The following WWC2 variants were observed in gnomAD, a reference collection of about 807,000 sequenced individuals.
WWC2 encodes WW and C2 domain containing 2, also known as protein WWC2.
Under a neutral mutation model 138.5 loss-of-function variants are expected in WWC2, and 101 were observed. The observed-to-expected ratio is 0.73, with a 90% CI of 0.62 to 0.86. The LOEUF (loss-of-function observed/expected upper bound fraction) is 0.86. WWC2 is among the 40% of genes least tolerant of loss of function. The pLI, the probability that WWC2 is intolerant of heterozygous loss-of-function variation, is 0.00. For synonymous variants in WWC2, 558 were observed against 538.4 expected (o/e 1.04, Z -0.50); for missense variants, 1,420 against 1,419.4 (o/e 1.00, Z -0.01).
At chr4:183,148,691 A>G (rs571625064) in intron 1 of WWC2, among the ~76,000 whole-genome samples, 13 of 152,256 alleles carry the variant, frequency 8.5e-5, no homozygotes, top group Admixed American at 2.6e-4. Context: ...CTGTGTTCCT[A>G]TGCAACTTCT....
intron 10 of WWC2, 31 bp from the exon 11 acceptor site, chr4:183,260,879 G>C (rs113464479): frequency 4.4e-6 from 7 of 1,607,962 alleles, no homozygotes; most frequent in African/African-American, 1.3e-5. Flanking sequence ...TTTTGTAACA[G>C]ATTTTATGGT....
intron 1 of WWC2, among the ~76,000 whole-genome samples, chr4:183,107,165 TTTC>T (rs1340431126): frequency 1.3e-5 from 2 of 152,138 alleles, no homozygotes; most frequent in Non-Finnish European, 2.9e-5. Context: ...TTTTCTTTTC[TTTC>T]TTCTTTTGAG....
At chr4:183,174,178 C>T (rs1734383512) in intron 1 of WWC2, among the ~76,000 whole-genome samples, 1 of 152,300 alleles carries the variant, frequency 6.6e-6, no homozygotes, top group African/African-American at 2.4e-5. Context: ...CTCCTTTCAG[C>T]AGTCCGAGCC....
intron 16 of WWC2, among the ~76,000 whole-genome samples, chr4:183,279,719 C>T (rs1021184709): frequency 5.9e-5 from 9 of 152,036 alleles, no homozygotes; most frequent in African/African-American, 2.2e-4. Context: ...GTGTATGTGT[C>T]GAGGAATTTA....
intron 4 of WWC2, among the ~76,000 whole-genome samples, chr4:183,227,644 G>A (rs574461352): frequency 3.3e-5 from 5 of 152,046 alleles, no homozygotes; most frequent in South Asian, 4.1e-4. Context: ...AATTAATCAC[G>A]TAATGAATTA....
At chr4:183,254,078 G>T in intron 9 of WWC2, 79 bp downstream of exon 9, 1 of 1,533,720 alleles carries the variant, frequency 6.5e-7, no homozygotes. Flanking sequence ...CCTGGGTTTG[G>T]AAATCTCAAT....
At chr4:183,201,610 G>A (rs993066271) in intron 2 of WWC2, among the ~76,000 whole-genome samples, 1 of 152,214 alleles carries the variant, frequency 6.6e-6, no homozygotes, top group Non-Finnish European at 1.5e-5. Context: ...CAAGTCAGAT[G>A]CCCTCTGACT....
intron 10 of WWC2, among the ~76,000 whole-genome samples, chr4:183,260,054 T>TA (rs1737275541): frequency 6.6e-6 from 1 of 152,200 alleles, no homozygotes. Context: ...TAGATTTCCT[T>TA]ACATTGATGA....
At chr4:183,291,348 G>A (rs538811550) in intron 21 of WWC2, among the ~76,000 whole-genome samples, 2 of 152,350 alleles carry the variant, frequency 1.3e-5, no homozygotes, top group African/African-American at 4.8e-5. Context: ...GCCTGCAGGA[G>A]AGTAGGGCCA....
intron 2 of WWC2, among the ~76,000 whole-genome samples, chr4:183,194,477 T>G (rs1359359226): frequency 6.6e-6 from 1 of 152,232 alleles, no homozygotes; most frequent in Non-Finnish European, 1.5e-5. Context: ...ATTATTTTAT[T>G]TTTATAAGTT....
At chr4:183,284,503 C>A in intron 19 of WWC2, 113 bp downstream of exon 19, 2 of 1,210,118 alleles carry the variant, frequency 1.7e-6, no homozygotes, top group Non-Finnish European at 2.3e-6. Flanking sequence ...ATGACAACGA[C>A]AAATGCTAGA....
intron 1 of WWC2, among the ~76,000 whole-genome samples, chr4:183,159,150 A>G (rs972021902): frequency 6.6e-6 from 1 of 152,230 alleles, no homozygotes; most frequent in Admixed American, 6.5e-5. Flanking sequence ...ACATTTGAAC[A>G]CCAAATTTTG....
chr4:183,317,630 C>T lies in WWC2; in HGVS notation c.*1901C>T, dbSNP rs747205132. On this transcript the variant is annotated 3_prime_UTR_variant, in exon 23 of 23. Transcript: ENST00000403733. The stretch of plus-strand genomic sequence containing the variant: ...TAGAATTATGTGTAGTTGTTCCGTA[C>T]GATTTTATTTTCTTCATTTATTTAT... 5.2e-5 allele frequency: 8 copies of T among 152,504 alleles called. No individual in the cohort carries two copies. The highest frequency in any genetic ancestry group is 1.0e-4 in the Non-Finnish European group (7 of 67,990). 9.4% of individuals were successfully genotyped at this position (152,504 alleles called of 1,614,324 possible).
At chr4:183,119,549 A>G (rs1732533561) in intron 1 of WWC2, among the ~76,000 whole-genome samples, 2 of 152,154 alleles carry the variant, frequency 1.3e-5, no homozygotes, top group South Asian at 4.1e-4. Context: ...CGGGGTATAA[A>G]GCCCCTCCTC....
rs536588272 is a variant in WWC2, at chr4:183,225,892, G to A, written c.523-14291G>A. ...AAGCTTGGTCTAATGGTTGTATGTG[G>A]AGCCCACCAAATATTGAATGCAGAT... On this transcript the variant is annotated intron_variant, in intron 4 of 22. Coordinates refer to ENST00000403733, the MANE Select transcript of WWC2 (RefSeq NM_024949.6). 4.1e-4 allele frequency among the ~76,000 whole-genome samples: 63 copies of A among 152,144 alleles called. 1 individual carries two copies. Among genetic ancestry groups the A allele is most frequent in the African/African-American group, 1.5e-3 (61 of 41,502 alleles).
intron 9 of WWC2, among the ~76,000 whole-genome samples, chr4:183,257,499 T>C (rs1011877024): frequency 6.6e-6 from 1 of 152,066 alleles, no homozygotes; most frequent in Non-Finnish European, 1.5e-5. Context: ...GAGGAATCTT[T>C]TAAGGGCCAA....
At chr4:183,245,766 C>T (rs1736758580) in intron 6 of WWC2, among the ~76,000 whole-genome samples, 1 of 152,182 alleles carries the variant, frequency 6.6e-6, no homozygotes, top group Non-Finnish European at 1.5e-5. Context: ...TCGTTGTAAG[C>T]AGCCTTTGGA....
At chr4:183,273,528 TC>T (rs1737762985) in intron 16 of WWC2, among the ~76,000 whole-genome samples, 1 of 152,276 alleles carries the variant, frequency 6.6e-6, no homozygotes, top group Non-Finnish European at 1.5e-5. Flanking sequence ...GGTCTCAAAC[TC>T]CCGACCTCAG....
At chr4:183,190,548 A>G (rs1387622095) in intron 1 of WWC2, among the ~76,000 whole-genome samples, 1 of 152,134 alleles carries the variant, frequency 6.6e-6, no homozygotes, top group African/African-American at 2.4e-5. Context: ...ACAAATATCT[A>G]TGTAATGGTT....
Sources: gnomAD v4.1 joint callset for allele counts (sites outside exome capture counted in the v4.1 genomes callset) on GRCh38, gnomAD v4.1.1 for gene constraint, MANE v1.5 for transcripts, NCBI Gene and HGNC (gene_info 2026-07-23, HGNC 2026-07-21) for gene names.